NXPH1: variants seen among roughly 807,000 people sequenced by gnomAD.
NXPH1 encodes the protein neurexophilin-1.
In NXPH1, 5 loss-of-function variants were observed where a neutral mutation model predicts 23.7. That is an observed-to-expected ratio of 0.21 (90% CI 0.11 to 0.44). NXPH1 has a LOEUF of 0.44. Among genes scored for constraint, NXPH1 ranks in the 20% least tolerant of loss-of-function variants. The pLI is 0.99. For missense variants in NXPH1, 324 were observed against 321.6 expected (o/e 1.01, Z -0.06); for synonymous variants, 144 against 122.2 (o/e 1.18, Z -1.18).
chr7:8,693,870 G>T (rs559461726), intron 2 of NXPH1, among the ~76,000 whole-genome samples: 2 of 152,146 alleles, frequency 1.3e-5, no homozygotes, highest in South Asian at 4.1e-4. Flanking sequence ...ATTACTAATG[G>T]CTTCTCTTTT....
chr7:8,656,865 A>G (rs1227023695), intron 2 of NXPH1, among the ~76,000 whole-genome samples: 1 of 152,192 alleles, frequency 6.6e-6, no homozygotes, highest in Non-Finnish European at 1.5e-5. Context: ...CCTAGAGTTA[A>G]TGTTTAAACT....
chr7:8,690,780 A>G (rs1456877257), intron 2 of NXPH1, among the ~76,000 whole-genome samples: 1 of 152,174 alleles, frequency 6.6e-6, no homozygotes, highest in Non-Finnish European at 1.5e-5. Flanking sequence ...CCATTTTCAT[A>G]TTGACGCATT....
At chr7:8,597,708 G>T (rs73237612) in intron 2 of NXPH1, among the ~76,000 whole-genome samples, 24,222 of 113,470 alleles carry the variant, frequency 0.21, 2,110 homozygotes, top group African/African-American at 0.33. Context: ...GGATCCGGGT[G>T]GGGGGCGGGG....
At chr7:8,736,953 A>C (rs769964775) in intron 2 of NXPH1, among the ~76,000 whole-genome samples, 8 of 142,072 alleles carry the variant, frequency 5.6e-5, no homozygotes, top group Non-Finnish European at 9.1e-5. Context: ...TGCAACCCCT[A>C]CCTTTTTTTT....
intron 2 of NXPH1, among the ~76,000 whole-genome samples, chr7:8,502,622 A>G (rs1817454952): frequency 6.6e-6 from 1 of 151,842 alleles, no homozygotes; most frequent in Non-Finnish European, 1.5e-5. Context: ...AACTCTGAAG[A>G]ATAGAGGAGT....
At chr7:8,710,647 G>T (rs13228145) in intron 2 of NXPH1, among the ~76,000 whole-genome samples, 40,071 of 51,606 alleles carry the variant, frequency 0.78, 15,166 homozygotes, top group South Asian at 0.86. Flanking sequence ...TACGTTTTTT[G>T]TTTTTTTTTT....
At chr7:8,527,245 GT>G (rs1388318056) in intron 2 of NXPH1, among the ~76,000 whole-genome samples, 1 of 152,164 alleles carries the variant, frequency 6.6e-6, no homozygotes, top group Non-Finnish European at 1.5e-5. Flanking sequence ...AAGGAACCAC[GT>G]AGTGACGTGT....
intron 2 of NXPH1, among the ~76,000 whole-genome samples, chr7:8,487,000 T>C (rs1817169537): frequency 6.6e-6 from 1 of 152,180 alleles, no homozygotes; most frequent in Non-Finnish European, 1.5e-5. Context: ...TGATCAGATA[T>C]TATGCATATA....
chr7:8,501,829 C>A (rs576231282), intron 2 of NXPH1, among the ~76,000 whole-genome samples: 4 of 152,200 alleles, frequency 2.6e-5, no homozygotes, highest in Admixed American at 1.3e-4. Context: ...AACAGACTAA[C>A]AGTCTTACCC....
chr7:8,689,189 A>T (rs879714252), intron 2 of NXPH1, among the ~76,000 whole-genome samples: 2 of 152,140 alleles, frequency 1.3e-5, no homozygotes, highest in Non-Finnish European at 2.9e-5. Context: ...AGTCAAGGGC[A>T]CTCAGCTTTG....
intron 2 of NXPH1, among the ~76,000 whole-genome samples, chr7:8,492,202 T>A (rs1189505161): frequency 2.6e-5 from 4 of 152,118 alleles, no homozygotes; most frequent in African/African-American, 4.8e-5. Context: ...TTAGATTTTT[T>A]CCTTTTGTCA....
At position 8,435,627 on chromosome 7, in the gene NXPH1, T is replaced by G; in HGVS notation, c.-87T>G. On this transcript the variant is annotated 5_prime_UTR_variant, in exon 2 of 3. Transcript: ENST00000405863. The surrounding 1 kb of genome is among the most constrained non-coding windows in gnomAD (Gnocchi z 5.9). ...AGGCTGCTGAGAGCGCTCCTTGCTC[T>G]GTAAAGTGGATGTCAGGTGGATCTA... 2.4e-6 allele frequency: 3 copies of G among 1,246,250 alleles called. No individual in the cohort carries two copies. The highest frequency in any genetic ancestry group is 3.6e-6 in the Non-Finnish European group (3 of 844,488). The allele number at this position is 1,246,250 out of a possible 1,614,324, so 77.2% of individuals were successfully genotyped here.
intron 2 of NXPH1, among the ~76,000 whole-genome samples, chr7:8,720,109 T>G (rs1779947001): frequency 1.3e-5 from 1 of 78,068 alleles, no homozygotes; most frequent in Non-Finnish European, 2.4e-5. Context: ...GGTTACACTT[T>G]AACTTGAAGT....
chr7:8,523,403 T>C (rs1032977377), intron 2 of NXPH1, among the ~76,000 whole-genome samples: 1 of 152,222 alleles, frequency 6.6e-6, no homozygotes, highest in Non-Finnish European at 1.5e-5. Flanking sequence ...TCTCTCATGA[T>C]TGTACAAAAA....
At chr7:8,592,766 G>A (rs981084474) in intron 2 of NXPH1, among the ~76,000 whole-genome samples, 1 of 151,202 alleles carries the variant, frequency 6.6e-6, no homozygotes, top group Non-Finnish European at 1.5e-5. Flanking sequence ...TTCCCGTAAT[G>A]CTTTATTTTT....
intron 2 of NXPH1, among the ~76,000 whole-genome samples, chr7:8,571,354 G>C (rs140421655): frequency 1.3e-5 from 2 of 151,878 alleles, no homozygotes; most frequent in Admixed American, 6.6e-5. Context: ...TGCCCATCGA[G>C]AATATGTCTG....
At position 8,683,061 on chromosome 7, in the gene NXPH1, C is replaced by G. The variant is rs116574114; in HGVS notation, c.55-67947C>G. Among the ~76,000 whole-genome samples, 735 of 152,294 alleles carry G rather than the reference C, an allele frequency of 4.8e-3. 4 individuals are homozygous for G. Among genetic ancestry groups the G allele is most frequent in the African/African-American group, 0.017 (707 of 41,570 alleles). On this transcript the variant is annotated intron_variant, in intron 2 of 2. Coordinates refer to ENST00000405863, the MANE Select transcript of NXPH1 (RefSeq NM_152745.3). ...AGAGGTGTTTATTTGGCTTGGAGTT[C>G]TGCAAACTGTGCAGGAAACATGACA...
chr7:8,717,928 T>C (rs1779904691), intron 2 of NXPH1, among the ~76,000 whole-genome samples: 1 of 149,846 alleles, frequency 6.7e-6, no homozygotes, highest in Admixed American at 6.7e-5. Context: ...CATGTAGATA[T>C]GCATGTGTAT....
chr7:8,590,531 C>T lies in NXPH1; in HGVS notation c.54+154764C>T, dbSNP rs560718372. Reference sequence around the variant, plus strand: ...ATAATAGCGACAACACCTGCCTTACCGCAAGAATGTGGTGGTTTAAGATCC... The same window carrying T: ...ATAATAGCGACAACACCTGCCTTACTGCAAGAATGTGGTGGTTTAAGATCC... On this transcript the variant is annotated intron_variant, in intron 2 of 2. Transcript: ENST00000405863. Among the ~76,000 whole-genome samples, 24 of 152,156 alleles carry T rather than the reference C, an allele frequency of 1.6e-4. No homozygotes were observed. In the South Asian group the frequency reaches 3.1e-3, roughly 20 times the overall value.
Sources: allele counts gnomAD v4.1 joint callset (sites outside exome capture counted in the v4.1 genomes callset), GRCh38; gene constraint gnomAD v4.1.1; non-coding constraint Gnocchi (gnomAD v3.1); transcripts MANE v1.5; gene names NCBI Gene and HGNC (gene_info 2026-07-23, HGNC 2026-07-21).